The following KLHL13 variants were observed in gnomAD, a reference collection of about 807,000 sequenced individuals.
The protein encoded by KLHL13 is kelch-like protein 13.
KLHL13 carries 10 observed loss-of-function variants against 37.1 expected under a neutral mutation model. The ratio of observed to expected loss-of-function variants is 0.27; its 90% confidence interval spans 0.17 to 0.46. The LOEUF is 0.46. KLHL13 is among the 20% of genes least tolerant of loss of function. The pLI is 1.00. For synonymous variants in KLHL13, 163 were observed against 181.2 expected (o/e 0.90, Z 0.81); for missense variants, 360 against 509.3 (o/e 0.71, Z 2.82).
chrX:117,961,473 T>C (rs1237418063), intron 1 of KLHL13, among the ~76,000 whole-genome samples: 1 of 111,906 alleles, frequency 8.9e-6, no homozygotes, highest in African/African-American at 3.3e-5. Context: ...GATGTCCACA[T>C]CTTAACCCCA....
upstream of KLHL13, among the ~76,000 whole-genome samples, chrX:117,976,096 A>G (rs1441253750): frequency 3.6e-5 from 4 of 111,150 alleles, no homozygotes; most frequent in Non-Finnish European, 5.7e-5. Context: ...AATAATTTTA[A>G]TATTTGTTCA....
intron 1 of KLHL13, among the ~76,000 whole-genome samples, chrX:118,014,795 CA>C (rs761060660): frequency 2.7e-5 from 3 of 112,069 alleles, no homozygotes; most frequent in East Asian, 5.6e-4. Context: ...CTGATTCCCC[CA>C]ATACCCCCAA....
chrX:118,078,017 TA>T (rs2054945820), intron 1 of KLHL13, among the ~76,000 whole-genome samples: 1 of 112,440 alleles, frequency 8.9e-6, no homozygotes, highest in Non-Finnish European at 1.9e-5. Flanking sequence ...GCAAAGCTCT[TA>T]CTCTTTCTGC....
chrX:117,922,285 TA>T (rs1401123365), intron 2 of KLHL13, among the ~76,000 whole-genome samples: 2 of 111,088 alleles, frequency 1.8e-5, no homozygotes, highest in Non-Finnish European at 3.8e-5. Flanking sequence ...TAAATTGCAA[TA>T]AATTTGTGGG....
intron 1 of KLHL13, among the ~76,000 whole-genome samples, chrX:118,093,166 C>A (rs2148154923): frequency 8.9e-6 from 1 of 111,765 alleles, no homozygotes; most frequent in Non-Finnish European, 1.9e-5. Context: ...TCATTTACCT[C>A]ATTCTTTATG....
chrX:117,919,414 A>G (rs1263444224), intron 4 of KLHL13, 107 bp downstream of exon 5: 6 of 616,992 alleles, frequency 9.7e-6, no homozygotes, highest in Non-Finnish European at 1.3e-5. Context: ...AACAAGACAC[A>G]TCTGTCTAAT....
intron 1 of KLHL13, among the ~76,000 whole-genome samples, chrX:117,987,180 T>A (rs2053737183): frequency 9.0e-6 from 1 of 111,522 alleles, no homozygotes; most frequent in Non-Finnish European, 1.9e-5. Flanking sequence ...ATGATGGAGC[T>A]GTGACCTTTG....
intron 1 of KLHL13, among the ~76,000 whole-genome samples, chrX:117,986,965 C>T (rs2053733349): frequency 9.0e-6 from 1 of 111,345 alleles, no homozygotes; most frequent in African/African-American, 3.3e-5. Context: ...GCCCACCTCC[C>T]AGACTTCATA....
At chrX:117,971,966 G>T (rs766165452) in intron 1 of KLHL13, among the ~76,000 whole-genome samples, 36 of 111,650 alleles carry the variant, frequency 3.2e-4, no homozygotes, top group African/African-American at 1.1e-3. Flanking sequence ...TACTTTAAAA[G>T]AACATTTTAT....
rs189565529 is a variant in KLHL13 at position 118,066,754 on chromosome X, A to T, written c.-56+49754T>A. ...CCCACACATCTGATGAAAGATTTAC[A>T]TCCAGAATCAATAAAAAAATTACAA... On this transcript the variant is annotated intron_variant, in intron 1 of 6. Coordinates refer to the KLHL13 transcript ENST00000371882. 1.5e-3 allele frequency among the ~76,000 whole-genome samples: 167 copies of T among 111,950 alleles called. 2 individuals carry two copies. Among genetic ancestry groups the T allele is most frequent in the African/African-American group, 5.2e-3 (162 of 30,888 alleles).
At chrX:117,898,311 T>C (rs1929863475) in exon 7 of KLHL13, 1 of 112,587 alleles carries the variant, frequency 8.9e-6, no homozygotes, top group Admixed American at 9.4e-5. Flanking sequence ...TATTAGTGAA[T>C]TTAAGCTACT....
intron 5 of KLHL13, among the ~76,000 whole-genome samples, chrX:117,907,237 G>T (rs1374000034): frequency 9.0e-6 from 1 of 111,412 alleles, no homozygotes; most frequent in Non-Finnish European, 1.9e-5. Context: ...GCAGCTGAAA[G>T]AGAGTTGGGA....
intron 3 of KLHL13, 120 bp downstream of exon 4, chrX:117,920,118 T>C (rs973243435): frequency 1.7e-5 from 12 of 712,039 alleles, no homozygotes; most frequent in African/African-American, 8.8e-5. Flanking sequence ...CATACTGTTG[T>C]GTACTTCTTT....
At chrX:118,015,204 C>T (rs370839342) in intron 1 of KLHL13, among the ~76,000 whole-genome samples, 2 of 111,708 alleles carry the variant, frequency 1.8e-5, no homozygotes, top group Middle Eastern at 4.6e-3. Flanking sequence ...AACCACACTA[C>T]TATAACTAGA....
intron 1 of KLHL13, among the ~76,000 whole-genome samples, chrX:117,998,896 A>C (rs957724122): frequency 8.2e-5 from 9 of 110,225 alleles, no homozygotes; most frequent in Admixed American, 5.9e-4. Context: ...ATATATAACA[A>C]CTATATAAAT....
intron 1 of KLHL13, among the ~76,000 whole-genome samples, chrX:118,014,150 G>A (rs1319387151): frequency 1.8e-5 from 2 of 112,056 alleles, no homozygotes; most frequent in Admixed American, 1.9e-4. Context: ...ACAGGGTTGG[G>A]CAGAACAGAG....
In KLHL13 at chrX:118,020,206, C is replaced by G. The variant is rs746227089; in HGVS notation, c.-55-74631G>C. On this transcript the variant is annotated intron_variant, in intron 1 of 6. Transcript: ENST00000371882. ...TGTAGTTCTCCTTGAAGAGGTCCTT[C>G]ACATCCCTTGTAAGTTGGATTCCTA... is the stretch of plus-strand genomic sequence containing the variant. Among the ~76,000 whole-genome samples, 893 of 108,663 alleles carry G rather than the reference C, an allele frequency of 8.2e-3. 12 individuals are homozygous for G. Among genetic ancestry groups the G allele is most frequent in the African/African-American group, 0.028 (836 of 29,676 alleles). The allele number at this position is 108,663 out of a possible 115,157, so 94.4% of individuals were successfully genotyped here. A position where few individuals can be genotyped will look rare whatever the true frequency, so the allele number is the denominator to read the frequency against.
chrX:117,906,425 C>G (rs1930543425), intron 5 of KLHL13, among the ~76,000 whole-genome samples: 2 of 111,332 alleles, frequency 1.8e-5, no homozygotes, highest in African/African-American at 3.3e-5. Context: ...GTAATCAAGG[C>G]AGGTTTCATC....
Position 117,992,027 on chromosome X carries a change from T to C in KLHL13, c.-55-46452A>G, listed in dbSNP as rs1032498884. ...TACAGCTGCCAGGATGAGGTGGCTA[T>C]CAGTTATTCACACATTGGCATGAAT... On this transcript the variant is annotated intron_variant, in intron 1 of 6. Coordinates refer to the KLHL13 transcript ENST00000371882. Among the ~76,000 whole-genome samples, 4 of 110,005 alleles carry C rather than the reference T, an allele frequency of 3.6e-5. No homozygotes were observed. In the South Asian group the frequency reaches 1.2e-3, roughly 32 times the overall value.
Sources: allele counts gnomAD v4.1 joint callset (sites outside exome capture counted in the v4.1 genomes callset), GRCh38; gene constraint gnomAD v4.1.1; transcripts MANE v1.5; gene names NCBI Gene and HGNC (gene_info 2026-07-23, HGNC 2026-07-21).